PTGER2: variants seen among roughly 807,000 people sequenced by gnomAD.
The protein encoded by PTGER2 is prostaglandin E2 receptor EP2 subtype.
PTGER2 carries 22 observed loss-of-function variants against 26.2 expected under a neutral mutation model. The observed-to-expected ratio is 0.84, with a 90% CI of 0.60 to 1.20. The LOEUF is 1.20. Ranked by LOEUF, PTGER2 falls within the 50% of genes most tolerant of loss-of-function variation. PTGER2 has a pLI of 0.00. For missense variants in PTGER2, 458 were observed against 475.2 expected (o/e 0.96, Z 0.34); for synonymous variants, 219 against 208.9 (o/e 1.05, Z -0.42).
rs1198331734 is a variant in PTGER2, at chr14:52,327,267, A to C, written c.890A>C (p.Asp297Ala). ...ACCTCTTCCCGAAAGGAAAAATGGG[A>C]CCTCCAAGCTCTTAGGTTTTTATCA... ...NETSSRKEKW[D>A]LQALRFLSIN... The change falls in exon 2 of 2, where the codon GAC (aspartate) becomes GCC (alanine). Residue 297 changes from aspartate (D) to alanine (A), a missense_variant. By Grantham distance (126) the Asp-to-Ala change is moderately radical. Coordinates refer to ENST00000245457, the MANE Select transcript of PTGER2 (RefSeq NM_000956.4). The C allele has an allele frequency of 1.2e-6, 2 of 1,613,266 alleles. No individual in the cohort carries two copies. Among genetic ancestry groups the C allele is most frequent in the Non-Finnish European group, 1.7e-6 (2 of 1,179,484 alleles).
intron 1 of PTGER2, among the ~76,000 whole-genome samples, chr14:52,325,770 A>G (rs893289584): frequency 1.3e-5 from 2 of 152,198 alleles, no homozygotes; most frequent in African/African-American, 4.8e-5. Context: ...CCCTATGCCA[A>G]GATTCTCCGG....
chr14:52,320,603 A>C lies in PTGER2; in HGVS notation c.843+5212A>C, dbSNP rs373185757. 2.0e-4 allele frequency among the ~76,000 whole-genome samples: 30 copies of C among 152,364 alleles called. 1 individual carries two copies. Among genetic ancestry groups the C allele is most frequent in the African/African-American group, 7.0e-4 (29 of 41,586 alleles). On this transcript the variant is annotated intron_variant, in intron 1 of 1. Coordinates refer to ENST00000245457, the MANE Select transcript of PTGER2 (RefSeq NM_000956.4). ...CAGCTAGAGGCTTAAGACCCAGTTC[A>C]TCTGCAACTCAGTCTGCTCAGTTGG...
intron 1 of PTGER2, among the ~76,000 whole-genome samples, chr14:52,323,150 A>G (rs1254586): frequency 0.94 from 142,971 of 152,252 alleles, 67,539 homozygotes; most frequent in Non-Finnish European, 1. Context: ...CGCGGCTCCA[A>G]CCAGTCCTTC....
intron 1 of PTGER2, among the ~76,000 whole-genome samples, chr14:52,316,988 G>T (rs1187410235): frequency 6.6e-6 from 1 of 152,194 alleles, no homozygotes; most frequent in East Asian, 1.9e-4. Flanking sequence ...TTACTGGTAG[G>T]AGCTTTTGAT....
chr14:52,315,323 G>T lies in PTGER2; in HGVS notation c.775G>T (p.Glu259Ter). 1 of 1,613,372 alleles carries T rather than the reference G, an allele frequency of 6.2e-7. No homozygotes were observed. The highest frequency in any genetic ancestry group is 8.5e-7 in the Non-Finnish European group (1 of 1,179,882). Residue 259 changes from glutamate to a stop codon, truncating the protein, a stop_gained, in exon 1 of 2, where the codon GAG becomes TAG. Transcript: ENST00000245457. LOFTEE classifies it high-confidence loss of function. ...AGGGGAAAGGGTGTCCATGGCGGAG[G>T]AGACGGACCACCTCATTCTCCTGGC... Reference protein sequence around the residue: ...RRGERVSMAEETDHLILLAIM... With the variant: ...RRGERVSMAE
intron 1 of PTGER2, among the ~76,000 whole-genome samples, chr14:52,317,312 G>T (rs2033850926): frequency 6.6e-6 from 1 of 152,152 alleles, no homozygotes; most frequent in African/African-American, 2.4e-5. Context: ...AGAGGAAAAA[G>T]TTCTCCTCTT....
In PTGER2 at chr14:52,327,620, A is replaced by G. The variant is rs1484002744; in HGVS notation, c.*166A>G. 4.9e-6 allele frequency: 3 copies of G among 608,394 alleles called. No individual in the cohort carries two copies. Among genetic ancestry groups the G allele is most frequent in the Admixed American group, 3.2e-5 (1 of 30,858 alleles). 37.7% of individuals were successfully genotyped at this position (608,394 alleles called of 1,614,324 possible). On this transcript the variant is annotated 3_prime_UTR_variant, in exon 2 of 2. Coordinates refer to ENST00000245457, the MANE Select transcript of PTGER2 (RefSeq NM_000956.4). ...AAGGCTACAGATGTGCTGACAAGGC[A>G]CTTCATGTAAAGTGTCAGAAGGAGC...
At chr14:52,321,005 C>G (rs1386601895) in intron 1 of PTGER2, among the ~76,000 whole-genome samples, 1 of 152,176 alleles carries the variant, frequency 6.6e-6, no homozygotes, top group Non-Finnish European at 1.5e-5. Context: ...TAGTGTCCAT[C>G]AGTTTGTCAA....
chr14:52,315,627 C>G (rs1306792325), intron 1 of PTGER2, among the ~76,000 whole-genome samples: 1 of 152,074 alleles, frequency 6.6e-6, no homozygotes, highest in Non-Finnish European at 1.5e-5. Context: ...TACAGACCGT[C>G]CGAAAGGGAG....
chr14:52,314,828 G>A lies in PTGER2; in HGVS notation c.280G>A (p.Ala94Thr), dbSNP rs1377746604. Residue 94 changes from alanine to threonine, a missense_variant, in exon 1 of 2, where the codon GCG becomes ACG. Coordinates refer to ENST00000245457, the MANE Select transcript of PTGER2 (RefSeq NM_000956.4). The surrounding 1 kb of genome is among the most constrained non-coding windows in gnomAD (Gnocchi z 5.7). ...LISPVVLASY[A>T]RNQTLVALAP... is the part of the protein sequence containing the mutation. The stretch of plus-strand genomic sequence containing the variant: ...CAGCCCAGTGGTACTGGCTTCGTAC[G>A]CGCGGAACCAGACCCTGGTGGCACT... The A allele has an allele frequency of 4.3e-6, 7 of 1,612,968 alleles. No homozygotes were observed. In the Admixed American group the frequency reaches 1.2e-4, roughly 27 times the overall value.
Position 52,315,384 on chromosome 14 carries a change from C to G in PTGER2, c.836C>G (p.Pro279Arg), listed in dbSNP as rs1566494735. 1.9e-6 allele frequency: 3 copies of G among 1,612,818 alleles called. No individual in the cohort carries two copies. Among genetic ancestry groups the G allele is most frequent in the Admixed American group, 1.7e-5 (1 of 59,996 alleles). Reference protein sequence around the residue: ...MTITFAVCSLPFTIFAYMNET... With the variant: ...MTITFAVCSLRFTIFAYMNET... The stretch of plus-strand genomic sequence containing the variant: ...ATCACCTTCGCCGTCTGCTCCTTGC[C>G]TTTCACGGTAAGTCACTCCCTACGT... Residue 279 changes from proline (P) to arginine (R), a missense_variant, in exon 1 of 2, where the codon CCT (proline) becomes CGT (arginine). Coordinates refer to ENST00000245457, the MANE Select transcript of PTGER2 (RefSeq NM_000956.4).
At chr14:52,324,063 A>G (rs2033924522) in intron 1 of PTGER2, among the ~76,000 whole-genome samples, 2 of 152,256 alleles carry the variant, frequency 1.3e-5, no homozygotes, top group African/African-American at 4.8e-5. Flanking sequence ...TAATGGGTAC[A>G]GAGTTTCAAT....
rs755315688 is a variant in PTGER2 at position 52,327,216 on chromosome 14, T to A, written c.844-5T>A. On this transcript the variant is annotated splice_region_variant and splice_polypyrimidine_tract_variant and intron_variant, in intron 1 of 1. Coordinates refer to ENST00000245457, the MANE Select transcript of PTGER2 (RefSeq NM_000956.4). ...AACATCATTTTTCCCCTTTGCTTCT[T>A]ACAGATTTTTGCATATATGAATGAA... 1 of 1,569,016 alleles carries A rather than the reference T, an allele frequency of 6.4e-7. No homozygotes were observed.
chr14:52,315,235 C>G lies in PTGER2; in HGVS notation c.687C>G (p.Ser229Arg), dbSNP rs2033826074. 1 of 1,612,132 alleles carries G rather than the reference C, an allele frequency of 6.2e-7. No individual in the cohort carries two copies. The highest frequency in any genetic ancestry group is 1.7e-5 in the Admixed American group (1 of 59,966). Residue 229 changes from serine (S) to arginine (R), a missense_variant, in exon 1 of 2, where the codon AGC becomes AGG. By Grantham distance (110) the Ser-to-Arg change is moderately radical. Coordinates refer to ENST00000245457, the MANE Select transcript of PTGER2 (RefSeq NM_000956.4). ...ILNLIRMHRR[S>R]RRSRCGPSLG... ...ACCTCATCCGCATGCACCGCCGAAGCCGGAGAAGCCGCTGCGGACCTTCCC... is the reference window on the plus strand; with the variant it reads ...ACCTCATCCGCATGCACCGCCGAAGGCGGAGAAGCCGCTGCGGACCTTCCC...
Position 52,315,383 on chromosome 14 carries a change from C to T in PTGER2, c.835C>T (p.Pro279Ser). The change falls in exon 1 of 2, where the codon CCT becomes TCT. Residue 279 changes from proline to serine, a missense_variant. Coordinates refer to ENST00000245457, the MANE Select transcript of PTGER2 (RefSeq NM_000956.4). ...CATCACCTTCGCCGTCTGCTCCTTG[C>T]CTTTCACGGTAAGTCACTCCCTACG... Reference protein sequence around the residue: ...MTITFAVCSLPFTIFAYMNET... With the variant: ...MTITFAVCSLSFTIFAYMNET... 1.2e-6 allele frequency: 2 copies of T among 1,612,906 alleles called. No homozygotes were observed. The highest frequency in any genetic ancestry group is 8.5e-7 in the Non-Finnish European group (1 of 1,179,992).
chr14:52,317,296 C>T (rs964999521), intron 1 of PTGER2, among the ~76,000 whole-genome samples: 1 of 152,216 alleles, frequency 6.6e-6, no homozygotes, highest in Non-Finnish European at 1.5e-5. Flanking sequence ...CTTTCCTACA[C>T]GAGCAAGAGG....
intron 1 of PTGER2, among the ~76,000 whole-genome samples, chr14:52,317,362 A>T (rs1373896482): frequency 6.6e-6 from 1 of 152,224 alleles, no homozygotes; most frequent in African/African-American, 2.4e-5. Context: ...TATTTTTTTT[A>T]AATAAAGGTA....
In PTGER2 at chr14:52,320,221, G is replaced by A. The variant is rs533210643; in HGVS notation, c.843+4830G>A. Among the ~76,000 whole-genome samples, 239 of 152,338 alleles carry A rather than the reference G, an allele frequency of 1.6e-3. 1 individual carries two copies. The highest frequency in any genetic ancestry group is 1.5e-3 in the Non-Finnish European group (99 of 68,028). ...AGTTTTAATACACATGATGTTTTAA[G>A]AGAAAGTTCCTCTATATGAGTGTTT... On this transcript the variant is annotated intron_variant, in intron 1 of 1. Coordinates refer to ENST00000245457, the MANE Select transcript of PTGER2 (RefSeq NM_000956.4).
intron 1 of PTGER2, among the ~76,000 whole-genome samples, chr14:52,319,992 G>T (rs1013377346): frequency 1.3e-5 from 2 of 152,070 alleles, no homozygotes; most frequent in South Asian, 2.1e-4. Context: ...CATGAATGGG[G>T]GTTGAAAAGC....
Sources: gnomAD v4.1 joint callset for allele counts (sites outside exome capture counted in the v4.1 genomes callset) on GRCh38, gnomAD v4.1.1 for gene constraint, Gnocchi (gnomAD v3.1) non-coding constraint, MANE v1.5 for transcripts, NCBI Gene and HGNC (gene_info 2026-07-23, HGNC 2026-07-21) for gene names.